Variants in MMP27 observed in about 807,000 individuals in gnomAD.
The protein encoded by MMP27 is matrix metallopeptidase 27, also known as matrix metalloproteinase-27.
Under a neutral mutation model 48.1 loss-of-function variants are expected in MMP27, and 51 were observed. The observed-to-expected ratio is 1.06, with a 90% CI of 0.85 to 1.34. The LOEUF (loss-of-function observed/expected upper bound fraction) is 1.34. Among genes scored for constraint, MMP27 ranks in the 40% most tolerant of loss-of-function variants. MMP27 has a pLI of 0.00. For missense variants in MMP27, 698 were observed against 619.3 expected, an observed-to-expected ratio of 1.13 and a Z score of -1.35; for synonymous variants, 229 against 208.9, an observed-to-expected ratio of 1.10 and a Z score of -0.83.
In MMP27 at chr11:102,696,412, A is replaced by G. The variant is rs774772081; in HGVS notation, c.861T>C (p.Ala287=). 2.0e-5 allele frequency: 32 copies of G among 1,613,778 alleles called. No homozygotes were observed. In the East Asian group the frequency reaches 7.1e-4, roughly 36 times the overall value. The part of the protein sequence containing the change: ...HACDPDLTFD[A]ITTFRREVMF... ...TTACTTCTCTGCGGAAAGTTGTGAT[A>G]GCGTCAAAAGTCAAGTCAGGGTCAC... The change falls in exon 6 of 10, where the codon GCT becomes GCC. Residue 287 remains alanine, a synonymous_variant. Coordinates refer to ENST00000260229, the MANE Select transcript of MMP27 (RefSeq NM_022122.3).
chr11:102,692,839 A>G, intron 9 of MMP27, 99 bp downstream of exon 9: 1 of 927,860 alleles, frequency 1.1e-6, no homozygotes, highest in Non-Finnish European at 1.7e-6. Flanking sequence ...AGAGTAGCAA[A>G]ATTGCATTAA....
At chr11:102,696,965 C>T in intron 4 of MMP27, 130 bp from the exon 5 acceptor site, 3 of 904,908 alleles carry the variant, frequency 3.3e-6, no homozygotes, top group Non-Finnish European at 4.9e-6. Context: ...TCATATGTAC[C>T]ACCATTTATC....
Position 102,696,426 on chromosome 11 carries a change from A to G in MMP27, c.847T>C (p.Leu283=), listed in dbSNP as rs11820111. 3,830 of 1,613,914 alleles carry G rather than the reference A, an allele frequency of 2.4e-3. 86 individuals carry two copies. In the African/African-American group the frequency reaches 0.045, roughly 19 times the overall value. ...AAAGTTGTGATAGCGTCAAAAGTCA[A>G]GTCAGGGTCACAGGCATGGGGTATA... ...PTIPHACDPD[L]TFDAITTFRR... The change falls in exon 6 of 10, where the codon TTG becomes CTG. Residue 283 remains leucine, a synonymous_variant. Coordinates refer to ENST00000260229, the MANE Select transcript of MMP27 (RefSeq NM_022122.3).
At chr11:102,696,343 G>GT in intron 6 of MMP27, 28 bp downstream of exon 6, 1 of 1,611,404 alleles carries the variant, frequency 6.2e-7, no homozygotes. Flanking sequence ...TTCATAGGAA[G>GT]TTGAGGTGTT....
rs1404463720 is a variant in MMP27 at position 102,696,575 on chromosome 11, T to C, written c.782-84A>G. 5 of 1,575,218 alleles carry C rather than the reference T, an allele frequency of 3.2e-6. No homozygotes were observed. In the Admixed American group the frequency reaches 9.6e-5, roughly 30 times the overall value. On this transcript the variant is annotated intron_variant, in intron 5 of 9. Coordinates refer to ENST00000260229, the MANE Select transcript of MMP27 (RefSeq NM_022122.3). ...ACAAGGGTCTTACCTAAGTGGATAT[T>C]TGCTTCATGATAATATTTCAAGAAG...
intron 8 of MMP27, 79 bp from the exon 9 acceptor site, chr11:102,693,120 C>T (rs1565424985): frequency 1.9e-6 from 2 of 1,061,078 alleles, no homozygotes; most frequent in Non-Finnish European, 2.9e-6. Context: ...AACTTAGAGT[C>T]AAGCAGGGAT....
intron 8 of MMP27, 22 bp downstream of exon 8, chr11:102,693,884 T>C (rs751877164): frequency 1.3e-6 from 2 of 1,554,174 alleles, no homozygotes; most frequent in South Asian, 2.5e-5. Context: ...TAAAACAAAG[T>C]GTCAATTGTC....
Position 102,696,395 on chromosome 11 carries a change from C to CT in MMP27, c.877dup (p.Arg293LysfsTer7). 5.0e-6 allele frequency: 8 copies of CT among 1,613,748 alleles called. No individual in the cohort carries two copies. Among genetic ancestry groups the CT allele is most frequent in the Non-Finnish European group, 6.8e-6 (8 of 1,179,774 alleles). ...CCTGCCTTTAAAGAACATTACTTCTCTGCGGAAAGTTGTGATAGCGTCAAA... is the reference window on the plus strand; with the variant it reads ...CCTGCCTTTAAAGAACATTACTTCTCTTGCGGAAAGTTGTGATAGCGTCAAA... On this transcript the variant is annotated frameshift_variant, in exon 6 of 10. Coordinates refer to ENST00000260229, the MANE Select transcript of MMP27 (RefSeq NM_022122.3). LOFTEE classifies it high-confidence loss of function.
At chr11:102,702,194 A>G (rs867065607) in intron 4 of MMP27, among the ~76,000 whole-genome samples, 35 of 152,260 alleles carry the variant, frequency 2.3e-4, no homozygotes, top group African/African-American at 7.5e-4. Context: ...ATAAGGATTA[A>G]GGTCTGATTC....
At chr11:102,698,952 C>G (rs926445770) in intron 4 of MMP27, among the ~76,000 whole-genome samples, 5 of 152,216 alleles carry the variant, frequency 3.3e-5, no homozygotes, top group African/African-American at 1.2e-4. Flanking sequence ...TTCTGTCACC[C>G]TGAGTACAGG....
intron 4 of MMP27, among the ~76,000 whole-genome samples, chr11:102,699,282 C>T (rs1168294499): frequency 4.6e-5 from 7 of 151,900 alleles, no homozygotes; most frequent in African/African-American, 1.7e-4. Context: ...GCCTGGGTAA[C>T]ATGGAGAAAC....
chr11:102,699,602 G>A (rs71478593), intron 4 of MMP27, among the ~76,000 whole-genome samples: 18,521 of 152,228 alleles, frequency 0.12, 1,473 homozygotes, highest in African/African-American at 0.23. Flanking sequence ...TGAAGCAAAC[G>A]TAAAAGGGCA....
At position 102,696,509 on chromosome 11, in the gene MMP27, A is replaced by T; in HGVS notation, c.782-18T>A. ...CAGACCTCCTTTGATGAGAAAAAAAATACCACAATGAATTAAGAGGGCATG... is the reference window on the plus strand; with the variant it reads ...CAGACCTCCTTTGATGAGAAAAAAATTACCACAATGAATTAAGAGGGCATG... On this transcript the variant is annotated intron_variant, in intron 5 of 9. Coordinates refer to ENST00000260229, the MANE Select transcript of MMP27 (RefSeq NM_022122.3). 1 of 1,612,116 alleles carries T rather than the reference A, an allele frequency of 6.2e-7. No individual in the cohort carries two copies. Among genetic ancestry groups the T allele is most frequent in the Non-Finnish European group, 8.5e-7 (1 of 1,179,302 alleles).
chr11:102,702,540 T>C (rs1420159347), intron 4 of MMP27, among the ~76,000 whole-genome samples: 1 of 152,186 alleles, frequency 6.6e-6, no homozygotes, highest in Non-Finnish European at 1.5e-5. Context: ...GGTGTATGAA[T>C]GAATGTATAA....
intron 6 of MMP27, 61 bp from the exon 7 acceptor site, chr11:102,695,158 T>C: frequency 6.4e-7 from 1 of 1,573,890 alleles, no homozygotes; most frequent in Non-Finnish European, 8.7e-7. Flanking sequence ...GAGAATTTTG[T>C]AATCTTAGGC....
In MMP27 at chr11:102,704,641, G is replaced by A; in HGVS notation, c.237C>T (p.Asp79=). ...FFGLTVTGKL[D]SNTLEIMKTP... is the part of the protein sequence containing the mutation. ...TCTTCATGATCTCAAGGGTGTTTGA[G>A]TCCAGTTTTCCAGTCACTGTCAATC... is the stretch of plus-strand genomic sequence containing the variant. Residue 79 remains aspartate (D), a synonymous_variant, in exon 2 of 10, where the codon GAC becomes GAT. Coordinates refer to ENST00000260229, the MANE Select transcript of MMP27 (RefSeq NM_022122.3). The A allele has an allele frequency of 6.2e-7, 1 of 1,614,136 alleles. No homozygotes were observed. The highest frequency in any genetic ancestry group is 8.5e-7 in the Non-Finnish European group (1 of 1,180,004).
At chr11:102,698,058 C>G (rs554998434) in intron 4 of MMP27, among the ~76,000 whole-genome samples, 1 of 152,106 alleles carries the variant, frequency 6.6e-6, no homozygotes, top group South Asian at 2.1e-4. Flanking sequence ...TTACAGTTAC[C>G]TATTCTTTCT....
chr11:102,705,530 T>C, intron 1 of MMP27, 83 bp downstream of exon 1: 1 of 854,880 alleles, frequency 1.2e-6, no homozygotes, highest in Non-Finnish European at 1.8e-6. Context: ...TTTGCAGGAA[T>C]GTGTTTTCTT....
Position 102,704,789 on chromosome 11 carries a change from T to G in MMP27, c.103-14A>C. 2 of 1,365,504 alleles carry G rather than the reference T, an allele frequency of 1.5e-6. No homozygotes were observed. The highest frequency in any genetic ancestry group is 1.9e-6 in the Non-Finnish European group (2 of 1,032,758). The allele number at this position is 1,365,504 out of a possible 1,614,324, so 84.6% of individuals were successfully genotyped here. On this transcript the variant is annotated splice_polypyrimidine_tract_variant and intron_variant, in intron 1 of 9. Coordinates refer to ENST00000260229, the MANE Select transcript of MMP27 (RefSeq NM_022122.3). ...GTTGAGATATGCCTGACCAAAAAGA[T>G]AAGAAAAAAAAAAAAGAGGCACAGA...
Sources: allele counts gnomAD v4.1 joint callset (sites outside exome capture counted in the v4.1 genomes callset), GRCh38; gene constraint gnomAD v4.1.1; transcripts MANE v1.5; gene names NCBI Gene and HGNC (gene_info 2026-07-23, HGNC 2026-07-21).